TTC7B: variants seen among roughly 807,000 people sequenced by gnomAD.
TTC7B encodes the protein tetratricopeptide repeat protein 7B.
In TTC7B, 28 loss-of-function variants were observed where a neutral mutation model predicts 106.8. The ratio of observed to expected loss-of-function variants is 0.26; its 90% CI spans 0.19 to 0.36. TTC7B has a LOEUF of 0.36. Among genes scored for constraint, TTC7B ranks in the 10% least tolerant of loss-of-function variants. The probability of loss-of-function intolerance (pLI) is 1.00; values close to 1 mark genes in which losing one functional copy is unlikely to be tolerated. For synonymous variants in TTC7B, 405 were observed against 430.6 expected (o/e 0.94, Z 0.74); for missense variants, 862 against 1,076.4 (o/e 0.80, Z 2.79).
At chr14:90,723,746 C>A (rs1050012748) in intron 5 of TTC7B, among the ~76,000 whole-genome samples, 3 of 152,188 alleles carry the variant, frequency 2.0e-5, no homozygotes, top group African/African-American at 7.2e-5. Flanking sequence ...CTTCCTAGCA[C>A]CTATTCCAAT....
intron 19 of TTC7B, among the ~76,000 whole-genome samples, chr14:90,572,786 C>T (rs2139797694): frequency 6.6e-6 from 1 of 152,292 alleles, no homozygotes; most frequent in Admixed American, 6.5e-5. Context: ...CTTATGGTAA[C>T]CTGAAAAATG....
chr14:90,532,585 A>T lies in TTC7B; in HGVS notation c.*8783T>A, dbSNP rs1889312111. On this transcript the variant is annotated 3_prime_UTR_variant, in exon 20 of 20. Transcript: ENST00000328459. ...TTACAGAGGTGTCCCCGACCAGCCA[A>T]TCTAAAGTAACCCTCCCCCTGTCAC... 6.6e-6 allele frequency: 1 copy of T among 152,216 alleles called. No individual in the cohort carries two copies. The highest frequency in any genetic ancestry group is 2.4e-5 in the African/African-American group (1 of 41,458). 9.4% of individuals were successfully genotyped at this position (152,216 alleles called of 1,614,324 possible).
intron 3 of TTC7B, among the ~76,000 whole-genome samples, chr14:90,760,912 CAA>C (rs1566874719): frequency 6.6e-6 from 1 of 152,212 alleles, no homozygotes; most frequent in Non-Finnish European, 1.5e-5. Flanking sequence ...CTCTTGTGGA[CAA>C]AGAGATTCCA....
At chr14:90,602,299 T>C (rs1892457420) in intron 17 of TTC7B, 1 of 445,812 alleles carries the variant, frequency 2.2e-6, no homozygotes, top group Admixed American at 2.4e-5. Flanking sequence ...TATGAAGCAC[T>C]AGGCAGGAGA....
chr14:90,809,031 T>G (rs1471103472), intron 1 of TTC7B, among the ~76,000 whole-genome samples: 1 of 152,114 alleles, frequency 6.6e-6, no homozygotes, highest in African/African-American at 2.4e-5. Context: ...TAACAGGAAG[T>G]CCAGAGAAGG....
chr14:90,643,083 A>T (rs1885253671), intron 15 of TTC7B, among the ~76,000 whole-genome samples: 1 of 152,208 alleles, frequency 6.6e-6, no homozygotes, highest in Non-Finnish European at 1.5e-5. Context: ...AATAATTTTC[A>T]TCAAATCACT....
rs78474443 is a variant in TTC7B at position 90,682,323 on chromosome 14, A to G, written c.951-1788T>C. Among the ~76,000 whole-genome samples the G allele has an allele frequency of 8.8e-3, 1,340 of 152,268 alleles. 21 individuals carry two copies. The highest frequency in any genetic ancestry group is 0.031 in the African/African-American group (1,286 of 41,562). ...TGCTAACAAGTGGCACATTAACCGA[A>G]TCCAGCTCCACTTCCTCTACCCTCC... On this transcript the variant is annotated intron_variant, in intron 7 of 19. Coordinates refer to ENST00000328459, the MANE Select transcript of TTC7B (RefSeq NM_001010854.2).
At chr14:90,806,559 T>C (rs74085570) in intron 1 of TTC7B, among the ~76,000 whole-genome samples, 1,676 of 152,286 alleles carry the variant, frequency 0.011, 35 homozygotes, top group African/African-American at 0.039. Flanking sequence ...CAAATAATGC[T>C]GGTGCCGGAA....
At chr14:90,682,844 C>T (rs924589535) in intron 7 of TTC7B, among the ~76,000 whole-genome samples, 39 of 152,312 alleles carry the variant, frequency 2.6e-4, no homozygotes, top group African/African-American at 8.7e-4. Flanking sequence ...GGTGCGTCCT[C>T]GTCCCAGCCA....
intron 13 of TTC7B, chr14:90,648,251 C>T (rs1885556789): frequency 6.6e-6 from 1 of 152,220 alleles, no homozygotes. Flanking sequence ...GGACTCTTCA[C>T]TTGGCCTCAA....
chr14:90,640,364 A>G (rs1387528619), intron 15 of TTC7B, among the ~76,000 whole-genome samples: 1 of 152,228 alleles, frequency 6.6e-6, no homozygotes, highest in Non-Finnish European at 1.5e-5. Context: ...TAGAATGGTC[A>G]TTAACCTGTC....
At chr14:90,762,312 GC>G (rs1890526344) in intron 3 of TTC7B, among the ~76,000 whole-genome samples, 2 of 152,162 alleles carry the variant, frequency 1.3e-5, no homozygotes, top group African/African-American at 4.8e-5. Flanking sequence ...CAGTGCCTCT[GC>G]TTGACCAAAC....
chr14:90,688,532 G>T (rs950433914), intron 7 of TTC7B, among the ~76,000 whole-genome samples: 26 of 149,972 alleles, frequency 1.7e-4, no homozygotes, highest in Admixed American at 1.5e-3. Flanking sequence ...CTGAGGCAGG[G>T]GAATCACTTG....
chr14:90,658,932 AGAGT>A (rs1447449404), intron 9 of TTC7B, among the ~76,000 whole-genome samples: 1 of 152,218 alleles, frequency 6.6e-6, no homozygotes, highest in East Asian at 1.9e-4. Flanking sequence ...GTCCCTGCAC[AGAGT>A]GACATGATGA....
chr14:90,765,079 GGATT>G (rs1186116839), intron 3 of TTC7B, among the ~76,000 whole-genome samples: 3 of 152,130 alleles, frequency 2.0e-5, no homozygotes, highest in Non-Finnish European at 4.4e-5. Flanking sequence ...ACTGATGAAT[GGATT>G]AACAAAATAT....
intron 1 of TTC7B, among the ~76,000 whole-genome samples, chr14:90,791,989 A>T (rs547701978): frequency 2.6e-5 from 4 of 152,174 alleles, no homozygotes; most frequent in African/African-American, 9.6e-5. Context: ...ATCTGGAAAC[A>T]CCCCATCAAC....
Position 90,780,724 on chromosome 14 carries a change from G to A in TTC7B, c.445+14C>T. On this transcript the variant is annotated intron_variant, in intron 3 of 19. Transcript: ENST00000328459. ...CAGGTCACGGGACACTGTGTTAGAAGGCACGGGCCTCACCTTTGGTAGCGT... is the reference window on the plus strand; with the variant it reads ...CAGGTCACGGGACACTGTGTTAGAAAGCACGGGCCTCACCTTTGGTAGCGT... The A allele has an allele frequency of 6.2e-7, 1 of 1,612,412 alleles. No individual in the cohort carries two copies. The highest frequency in any genetic ancestry group is 8.5e-7 in the Non-Finnish European group (1 of 1,179,372).
At chr14:90,604,900 A>G (rs1011239254) in intron 17 of TTC7B, among the ~76,000 whole-genome samples, 1 of 152,190 alleles carries the variant, frequency 6.6e-6, no homozygotes, top group Non-Finnish European at 1.5e-5. Flanking sequence ...ATACTATTCA[A>G]TTTCTCTGCA....
chr14:90,612,257 T>C (rs771424111), intron 16 of TTC7B, among the ~76,000 whole-genome samples: 10 of 152,176 alleles, frequency 6.6e-5, no homozygotes, highest in Non-Finnish European at 1.5e-4. Flanking sequence ...TACATGTCTG[T>C]GAACAGAAGA....
Sources: gnomAD v4.1 joint callset for allele counts (sites outside exome capture counted in the v4.1 genomes callset) on GRCh38, gnomAD v4.1.1 for gene constraint, MANE v1.5 for transcripts, NCBI Gene and HGNC (gene_info 2026-07-23, HGNC 2026-07-21) for gene names.